Variants in PRXL2B observed in about 807,000 individuals in gnomAD.
PRXL2B encodes the protein prostamide/prostaglandin F synthase.
A neutral mutation model predicts 24.4 loss-of-function variants in PRXL2B; 26 were observed. The observed-to-expected ratio is 1.07, with a 90% CI of 0.78 to 1.48. The LOEUF is 1.48. PRXL2B is among the 40% of genes most tolerant of loss of function. The probability of loss-of-function intolerance (pLI) is 0.00; values close to 1 mark genes in which losing one functional copy is unlikely to be tolerated. For missense variants in PRXL2B, 269 were observed against 264.8 expected (o/e 1.02, Z -0.11); for synonymous variants, 115 against 118.9 (o/e 0.97, Z 0.21).
chr1:2,589,299 A>G, intron 6 of PRXL2B, 111 bp from the exon 7 acceptor site: 1 of 1,475,596 alleles, frequency 6.8e-7, no homozygotes. Context: ...TGGCGGGCAG[A>G]GAGGCGTGTC....
Position 2,587,633 on chromosome 1 carries a change from G to C in PRXL2B, c.269-108G>C, listed in dbSNP as rs1196873040. ...TGCGGGGGTGGGCTGAGCACGGAGGGTGGGCAGAGGAACAGAGGGTCGGAA... is the reference window on the plus strand; with the variant it reads ...TGCGGGGGTGGGCTGAGCACGGAGGCTGGGCAGAGGAACAGAGGGTCGGAA... On this transcript the variant is annotated intron_variant, in intron 2 of 6. Transcript: ENST00000419916. The surrounding 1 kb of genome is among the most constrained non-coding windows in gnomAD (Gnocchi z 6.1). 1 of 1,320,540 alleles carries C rather than the reference G, an allele frequency of 7.6e-7. No homozygotes were observed. Among genetic ancestry groups the C allele is most frequent in the East Asian group, 2.5e-5 (1 of 39,912 alleles). 81.8% of individuals were successfully genotyped at this position (1,320,540 alleles called of 1,614,324 possible). A position where few individuals can be genotyped will look rare whatever the true frequency, so the allele number is the denominator to read the frequency against.
chr1:2,589,262 C>A, intron 6 of PRXL2B, 148 bp from the exon 7 acceptor site: 2 of 1,266,884 alleles, frequency 1.6e-6, no homozygotes, highest in Non-Finnish European at 2.2e-6. Flanking sequence ...TTGGGACTGT[C>A]CTCAGAGGTG....
chr1:2,588,864 G>C, intron 5 of PRXL2B, 58 bp from the exon 6 acceptor site: 1 of 1,525,012 alleles, frequency 6.6e-7, no homozygotes, highest in Non-Finnish European at 9.1e-7. Context: ...CTCCTGGTAT[G>C]TGGCTGTGAG....
At position 2,587,572 on chromosome 1, in the gene PRXL2B, G is replaced by A. The variant is rs1266079730; in HGVS notation, c.269-169G>A. Among the ~76,000 whole-genome samples the A allele has an allele frequency of 3.9e-5, 6 of 152,170 alleles. No individual in the cohort carries two copies. Among genetic ancestry groups the A allele is most frequent in the Non-Finnish European group, 7.4e-5 (5 of 68,018 alleles). On this transcript the variant is annotated intron_variant, in intron 2 of 6. Transcript: ENST00000419916. This position sits in a 1 kb window ranked among gnomAD's most constrained non-coding sequence, Gnocchi z 6.1. ...GACTCAGCCCCTCTTCTGAGGGGAG[G>A]GGGGACACTCAGCCCCGTTTTACCC...
At chr1:2,586,652 G>A (rs1644521296), upstream of PRXL2B, 1 of 1,033,518 alleles carries the variant, frequency 9.7e-7, no homozygotes, top group Non-Finnish European at 1.2e-6. Context: ...AGGGCTCGGG[G>A]TGCGGTCGGG....
Position 2,588,552 on chromosome 1 carries a change from C to T in PRXL2B, c.387C>T (p.Ala129=), listed in dbSNP as rs138943115. Residue 129 remains alanine, a splice_region_variant and synonymous_variant, in exon 5 of 7, where the codon GCC becomes GCT. Transcript: ENST00000419916. ...CAGGCTGTACCCACTCCTGACAGGC[C>T]AAGGCTGTTGGCATCCAGGGGAACT... ...GKPVRDVAAK[A]KAVGIQGNLS... is the part of the protein sequence containing the mutation. The T allele has an allele frequency of 7.4e-5, 119 of 1,614,006 alleles. No individual in the cohort carries two copies. The highest frequency in any genetic ancestry group is 9.2e-5 in the Non-Finnish European group (108 of 1,180,008).
chr1:2,587,839 G>A lies in PRXL2B; in HGVS notation c.320+47G>A. ...TGGGTAGCGTGGGGTGGGGGGCCCAGGGGTTCCCACCGCTCCCTGCCACCT... is the reference window on the plus strand; with the variant it reads ...TGGGTAGCGTGGGGTGGGGGGCCCAAGGGTTCCCACCGCTCCCTGCCACCT... On this transcript the variant is annotated intron_variant, in intron 3 of 6. Transcript: ENST00000419916. The surrounding 1 kb of genome is among the most constrained non-coding windows in gnomAD (Gnocchi z 6.1). 1 of 1,559,336 alleles carries A rather than the reference G, an allele frequency of 6.4e-7. No homozygotes were observed.
chr1:2,589,786 A>C lies in PRXL2B; in HGVS notation c.*359A>C. The C allele has an allele frequency of 2.8e-6, 1 of 361,580 alleles. No homozygotes were observed. The allele number at this position is 361,580 out of a possible 1,614,324, so 22.4% of individuals were successfully genotyped here. ...CCTCACTGCCCCGTCACTCCCTTCA[A>C]AGGCGACAGACCCAAGCCCACGTCA... On this transcript the variant is annotated 3_prime_UTR_variant, in exon 7 of 7. Transcript: ENST00000419916.
At position 2,586,961 on chromosome 1, in the gene PRXL2B, G is replaced by C. The variant is rs375824918; in HGVS notation, c.63+13G>C. On this transcript the variant is annotated intron_variant, in intron 1 of 6. Coordinates refer to ENST00000419916, the MANE Select transcript of PRXL2B (RefSeq NM_152371.5). ...GGTGACCGGGGAGGTGAGGCCGGGT[G>C]GACGCAGGGCGGTGGGCGCGTCCCT... 1.1e-3 allele frequency: 1,416 copies of C among 1,318,656 alleles called. 9 individuals carry two copies. In the African/African-American group the frequency reaches 0.017, roughly 16 times the overall value. 81.7% of individuals were successfully genotyped at this position (1,318,656 alleles called of 1,614,324 possible). A position where few individuals can be genotyped will look rare whatever the true frequency, so the allele number is the denominator to read the frequency against.
At position 2,590,961 on chromosome 1, in the gene PRXL2B, G is replaced by A. The variant is rs533809102; in HGVS notation, c.*1534G>A. 6.7e-5 allele frequency: 98 copies of A among 1,468,102 alleles called. No homozygotes were observed. Among genetic ancestry groups the A allele is most frequent in the Non-Finnish European group, 8.4e-5 (93 of 1,101,642 alleles). The allele number at this position is 1,468,102 out of a possible 1,614,324, so 90.9% of individuals were successfully genotyped here. ...AGATGCCTCCGAGCAGCGGGTGGGC[G>A]TGGGCCGCACAGCGCGGCAGGGCCT... is the stretch of plus-strand genomic sequence containing the variant. On this transcript the variant is annotated 3_prime_UTR_variant, in exon 7 of 7. Transcript: ENST00000419916.
In PRXL2B at chr1:2,591,337, C is replaced by T. The variant is rs1128769; in HGVS notation, c.*1910C>T. 1.4e-4 allele frequency: 82 copies of T among 600,112 alleles called. No individual in the cohort carries two copies. Among genetic ancestry groups the T allele is most frequent in the Non-Finnish European group, 2.2e-4 (73 of 338,198 alleles). 37.2% of individuals were successfully genotyped at this position (600,112 alleles called of 1,614,324 possible). A position where few individuals can be genotyped will look rare whatever the true frequency, so the allele number is the denominator to read the frequency against. ...AAACTCTCCTTCACACAGAAACATT[C>T]GCAGCCTGCGGTAGGCTCCCCCTTC... On this transcript the variant is annotated 3_prime_UTR_variant, in exon 7 of 7. Coordinates refer to ENST00000419916, the MANE Select transcript of PRXL2B (RefSeq NM_152371.5).
rs1272043904 is a variant in PRXL2B at position 2,590,902 on chromosome 1, G to T, written c.*1475G>T. 4 of 1,084,444 alleles carry T rather than the reference G, an allele frequency of 3.7e-6. No homozygotes were observed. In the African/African-American group the frequency reaches 5.0e-5, roughly 13 times the overall value. The allele number at this position is 1,084,444 out of a possible 1,614,324, so 67.2% of individuals were successfully genotyped here. The stretch of plus-strand genomic sequence containing the variant: ...TTGGCATGGTTGGCCGGGGCGGGAC[G>T]TACACTGGGTCGCCGCTAGCTGCAC... On this transcript the variant is annotated 3_prime_UTR_variant, in exon 7 of 7. Coordinates refer to ENST00000419916, the MANE Select transcript of PRXL2B (RefSeq NM_152371.5).
chr1:2,586,810 G>C lies in PRXL2B; in HGVS notation c.-76G>C. 7.9e-7 allele frequency: 1 copy of C among 1,263,964 alleles called. No homozygotes were observed. Among genetic ancestry groups the C allele is most frequent in the African/African-American group, 1.5e-5 (1 of 64,568 alleles). 78.3% of individuals were successfully genotyped at this position (1,263,964 alleles called of 1,614,324 possible). On this transcript the variant is annotated 5_prime_UTR_variant, in exon 1 of 7. Coordinates refer to ENST00000419916, the MANE Select transcript of PRXL2B (RefSeq NM_152371.5). ...GGGCTGGATCTATGAGCCGGGAGCGGGGATCCAGGAGCGAGGAGCCGGGAG... is the reference window on the plus strand; with the variant it reads ...GGGCTGGATCTATGAGCCGGGAGCGCGGATCCAGGAGCGAGGAGCCGGGAG...
In PRXL2B at chr1:2,587,606, C is replaced by T; in HGVS notation, c.269-135C>T. On this transcript the variant is annotated intron_variant, in intron 2 of 6. Coordinates refer to ENST00000419916, the MANE Select transcript of PRXL2B (RefSeq NM_152371.5). The surrounding 1 kb of genome is among the most constrained non-coding windows in gnomAD (Gnocchi z 6.1). The stretch of plus-strand genomic sequence containing the variant: ...TCAGCCCCGTTTTACCCCTCCCTGC[C>T]CTGCGGGGGTGGGCTGAGCACGGAG... 1.9e-6 allele frequency: 2 copies of T among 1,069,618 alleles called. No homozygotes were observed. The highest frequency in any genetic ancestry group is 2.8e-6 in the Non-Finnish European group (2 of 713,508). 66.3% of individuals were successfully genotyped at this position (1,069,618 alleles called of 1,614,324 possible).
At chr1:2,588,270 C>A in intron 3 of PRXL2B, 120 bp from the exon 4 acceptor site, 2 of 1,291,938 alleles carry the variant, frequency 1.5e-6, no homozygotes, top group Non-Finnish European at 1.1e-6. Context: ...CATCTCTGAG[C>A]CCTGGTGAGG....
Position 2,589,538 on chromosome 1 carries a change from C to A in PRXL2B, c.*111C>A, listed in dbSNP as rs1212501103. 2.0e-6 allele frequency: 3 copies of A among 1,495,278 alleles called. No homozygotes were observed. The highest frequency in any genetic ancestry group is 2.8e-6 in the Non-Finnish European group (3 of 1,089,294). The allele number at this position is 1,495,278 out of a possible 1,614,324, so 92.6% of individuals were successfully genotyped here. ...GGAGGCGCTGGGTCGGGATGCCGAA[C>A]CTCTCCTGATCCGCCGGCAGCAACG... On this transcript the variant is annotated 3_prime_UTR_variant, in exon 7 of 7. Transcript: ENST00000419916.
Position 2,587,625 on chromosome 1 carries a change from C to A in PRXL2B, c.269-116C>A. ...CCCTGCCCTGCGGGGGTGGGCTGAGCACGGAGGGTGGGCAGAGGAACAGAG... is the reference window on the plus strand; with the variant it reads ...CCCTGCCCTGCGGGGGTGGGCTGAGAACGGAGGGTGGGCAGAGGAACAGAG... On this transcript the variant is annotated intron_variant, in intron 2 of 6. Transcript: ENST00000419916. The surrounding 1 kb of genome is among the most constrained non-coding windows in gnomAD (Gnocchi z 6.1). The A allele has an allele frequency of 7.9e-7, 1 of 1,258,824 alleles. No homozygotes were observed. The highest frequency in any genetic ancestry group is 1.1e-6 in the Non-Finnish European group (1 of 883,566). The allele number at this position is 1,258,824 out of a possible 1,614,324, so 78.0% of individuals were successfully genotyped here.
rs575334017 is a variant in PRXL2B, at chr1:2,589,728, G to C, written c.*301G>C. 2 of 532,358 alleles carry C rather than the reference G, an allele frequency of 3.8e-6. No homozygotes were observed. Among genetic ancestry groups the C allele is most frequent in the East Asian group, 6.5e-5 (2 of 30,764 alleles). 33.0% of individuals were successfully genotyped at this position (532,358 alleles called of 1,614,324 possible). A position where few individuals can be genotyped will look rare whatever the true frequency, so the allele number is the denominator to read the frequency against. On this transcript the variant is annotated 3_prime_UTR_variant, in exon 7 of 7. Coordinates refer to ENST00000419916, the MANE Select transcript of PRXL2B (RefSeq NM_152371.5). ...TCTGCGACTTTCTCTGGAGACCTTGGGCCTTTGGCCTGTGGGGCACTGGGG... is the reference window on the plus strand; with the variant it reads ...TCTGCGACTTTCTCTGGAGACCTTGCGCCTTTGGCCTGTGGGGCACTGGGG...
At chr1:2,589,322 G>T in intron 6 of PRXL2B, 88 bp from the exon 7 acceptor site, 1 of 1,553,398 alleles carries the variant, frequency 6.4e-7, no homozygotes, top group Non-Finnish European at 8.7e-7. Context: ...CTCAGCCTTG[G>T]GAGGGCTGGG....
Sources: gnomAD v4.1 joint callset for allele counts (sites outside exome capture counted in the v4.1 genomes callset) on GRCh38, gnomAD v4.1.1 for gene constraint, Gnocchi (gnomAD v3.1) non-coding constraint, MANE v1.5 for transcripts, NCBI Gene and HGNC (gene_info 2026-07-23, HGNC 2026-07-21) for gene names.